The following MAML2 variants were observed in gnomAD, a reference collection of about 807,000 sequenced individuals.
MAML2 encodes the protein mastermind like transcriptional coactivator 2.
A neutral mutation model predicts 96.1 loss-of-function variants in MAML2; 22 were observed. That is an observed-to-expected ratio of 0.23 (90% CI 0.16 to 0.33). MAML2 has a LOEUF of 0.33. Among genes scored for constraint, MAML2 ranks in the 10% least tolerant of loss-of-function variants. MAML2 has a pLI of 1.00. For missense variants in MAML2, 1,367 were observed against 1,392.4 expected, an observed-to-expected ratio of 0.98 and a Z score of 0.29; for synonymous variants, 561 against 521.3, an observed-to-expected ratio of 1.08 and a Z score of -1.04.
intron 1 of MAML2, among the ~76,000 whole-genome samples, chr11:96,171,451 C>T (rs1861295212): frequency 1.3e-5 from 2 of 152,144 alleles, no homozygotes; most frequent in Non-Finnish European, 2.9e-5. Flanking sequence ...CTCCACTCTG[C>T]AATCCAATGA....
intron 2 of MAML2, among the ~76,000 whole-genome samples, chr11:96,071,729 T>C (rs890027257): frequency 4.6e-5 from 7 of 152,248 alleles, no homozygotes; most frequent in Non-Finnish European, 7.3e-5. Flanking sequence ...TATTTTTAAA[T>C]TCTCCAGTCA....
At chr11:96,283,417 T>C (rs1218377738) in intron 1 of MAML2, among the ~76,000 whole-genome samples, 1 of 152,208 alleles carries the variant, frequency 6.6e-6, no homozygotes, top group African/African-American at 2.4e-5. Context: ...AATAGAAGAA[T>C]ATCAAGAAAC....
chr11:96,254,609 A>C (rs578098567), intron 1 of MAML2, among the ~76,000 whole-genome samples: 3 of 152,052 alleles, frequency 2.0e-5, no homozygotes, highest in South Asian at 4.1e-4. Context: ...CAAAAAAAAA[A>C]CTCTTTTAAA....
intron 1 of MAML2, among the ~76,000 whole-genome samples, chr11:96,147,513 A>G (rs1452515265): frequency 6.6e-6 from 1 of 152,202 alleles, no homozygotes; most frequent in African/African-American, 2.4e-5. Flanking sequence ...CGTAGATCTG[A>G]TTTATGGCTT....
chr11:96,049,951 A>T (rs1858964418), intron 2 of MAML2, among the ~76,000 whole-genome samples: 1 of 152,130 alleles, frequency 6.6e-6, no homozygotes, highest in Non-Finnish European at 1.5e-5. Flanking sequence ...TGAGCTACTC[A>T]CTTAAGTAGA....
At chr11:95,991,868 C>T (rs921226106) in intron 2 of MAML2, 145 bp from the exon 3 acceptor site, 41 of 663,918 alleles carry the variant, frequency 6.2e-5, no homozygotes, top group Non-Finnish European at 9.3e-5. Context: ...CAGAGAATCG[C>T]TTTTTAAATG....
Position 96,244,340 on chromosome 11 carries a change from A to G in MAML2, c.513+97043T>C, listed in dbSNP as rs144311821. Among the ~76,000 whole-genome samples, 360 of 152,338 alleles carry G rather than the reference A, an allele frequency of 2.4e-3. 1 individual carries two copies. The highest frequency in any genetic ancestry group is 8.4e-3 in the African/African-American group (349 of 41,578). ...TTATGACGTGTAAGAACGTTTTCAT[A>G]TGTAAGCTATGCTTGCAATTCTATA... On this transcript the variant is annotated intron_variant, in intron 1 of 4. Coordinates refer to ENST00000524717, the MANE Select transcript of MAML2 (RefSeq NM_032427.4).
chr11:96,288,665 C>G (rs1004464555), intron 1 of MAML2, among the ~76,000 whole-genome samples: 12 of 151,984 alleles, frequency 7.9e-5, no homozygotes, highest in Non-Finnish European at 1.3e-4. Flanking sequence ...AATATTAATT[C>G]TGACTCTTCA....
chr11:96,337,854 G>A (rs939882316), intron 1 of MAML2, among the ~76,000 whole-genome samples: 7 of 152,162 alleles, frequency 4.6e-5, no homozygotes, highest in East Asian at 3.8e-4. Flanking sequence ...AGAAAAACAC[G>A]CTCATTTGCT....
chr11:96,253,440 T>C (rs972641817), intron 1 of MAML2, among the ~76,000 whole-genome samples: 1 of 152,224 alleles, frequency 6.6e-6, no homozygotes, highest in Non-Finnish European at 1.5e-5. Flanking sequence ...GAAATCTTCC[T>C]ATCTAGACTG....
chr11:96,083,127 C>T (rs915111326), intron 2 of MAML2, among the ~76,000 whole-genome samples: 3 of 152,188 alleles, frequency 2.0e-5, no homozygotes, highest in Admixed American at 2.0e-4. Context: ...TGGGTGAATT[C>T]TTGACATTCT....
intron 1 of MAML2, among the ~76,000 whole-genome samples, chr11:96,279,587 T>A (rs1356265103): frequency 6.6e-6 from 1 of 152,216 alleles, no homozygotes. Context: ...AACTATGGCA[T>A]TGAATCTAGG....
chr11:96,114,399 C>G (rs1399165615), intron 1 of MAML2, among the ~76,000 whole-genome samples: 1 of 152,186 alleles, frequency 6.6e-6, no homozygotes, highest in African/African-American at 2.4e-5. Context: ...CTCCTTAGCT[C>G]TTGTTCCTTC....
intron 1 of MAML2, among the ~76,000 whole-genome samples, chr11:96,213,912 G>A (rs143165403): frequency 5.4e-4 from 82 of 152,272 alleles, no homozygotes; most frequent in African/African-American, 1.8e-3. Context: ...GTCTCCAGAC[G>A]ACAGGATCAG....
intron 1 of MAML2, among the ~76,000 whole-genome samples, chr11:96,120,785 A>G (rs1211867620): frequency 6.6e-6 from 1 of 152,192 alleles, no homozygotes; most frequent in Non-Finnish European, 1.5e-5. Context: ...TTTTTAAAAG[A>G]GTCCCTGGAT....
chr11:96,094,897 A>T (rs61162282), intron 1 of MAML2, among the ~76,000 whole-genome samples: 2,798 of 152,284 alleles, frequency 0.018, 82 homozygotes, highest in African/African-American at 0.063. Context: ...CTGCCTGAAG[A>T]TTTCTAGGTA....
chr11:96,243,397 C>T (rs1218905233), intron 1 of MAML2, among the ~76,000 whole-genome samples: 5 of 152,198 alleles, frequency 3.3e-5, no homozygotes, highest in Admixed American at 6.5e-5. Flanking sequence ...AGGAGGCCAG[C>T]TCTGAACAGA....
At chr11:96,140,272 T>G (rs1860709752) in intron 1 of MAML2, among the ~76,000 whole-genome samples, 1 of 152,248 alleles carries the variant, frequency 6.6e-6, no homozygotes, top group African/African-American at 2.4e-5. Flanking sequence ...CCTTCTTGCT[T>G]TGGCCTGACT....
At chr11:96,148,535 G>A (rs978295344) in intron 1 of MAML2, among the ~76,000 whole-genome samples, 13 of 151,724 alleles carry the variant, frequency 8.6e-5, no homozygotes, top group African/African-American at 3.1e-4. Flanking sequence ...TGATTTGCAG[G>A]GTGCCTACCC....
Sources: allele counts gnomAD v4.1 joint callset (sites outside exome capture counted in the v4.1 genomes callset), GRCh38; gene constraint gnomAD v4.1.1; transcripts MANE v1.5; gene names NCBI Gene and HGNC (gene_info 2026-07-23, HGNC 2026-07-21).